The following ACACB variants were observed in gnomAD, a reference collection of about 807,000 sequenced individuals.
The protein encoded by ACACB is acetyl-CoA carboxylase 2.
ACACB carries 209 observed loss-of-function variants against 278.8 expected under a neutral mutation model. The ratio of observed to expected loss-of-function variants is 0.75; its 90% CI spans 0.67 to 0.84. ACACB has a LOEUF of 0.84. Ranked by LOEUF, ACACB falls within the 40% of genes least tolerant of loss-of-function variation. ACACB has a pLI of 0.00. For missense variants in ACACB, 2,850 were observed against 3,269.0 expected (o/e 0.87, Z 3.13); for synonymous variants, 1,174 against 1,285.6 (o/e 0.91, Z 1.86).
At chr12:109,112,273 GTATGTATA>G (rs1458185202), upstream of ACACB, among the ~76,000 whole-genome samples, 4 of 146,358 alleles carry the variant, frequency 2.7e-5, no homozygotes. Flanking sequence ...CAATATATAT[GTATGTATA>G]TATGTATATA....
intron 31 of ACACB, 151 bp downstream of exon 31, chr12:109,234,196 T>C (rs1457276645): frequency 1.5e-6 from 1 of 660,926 alleles, no homozygotes; most frequent in Non-Finnish European, 2.7e-6. Context: ...GCCTCATAGC[T>C]GGCGACCTTG....
intron 1 of ACACB, among the ~76,000 whole-genome samples, chr12:109,124,501 C>T (rs148513322): frequency 1.3e-5 from 2 of 152,318 alleles, no homozygotes; most frequent in African/African-American, 4.8e-5. Context: ...TCAGTTACCC[C>T]ACTTTTAGTG....
intron 7 of ACACB, among the ~76,000 whole-genome samples, chr12:109,174,603 C>A (rs953734774): frequency 6.6e-6 from 1 of 151,692 alleles, no homozygotes; most frequent in East Asian, 1.9e-4. Flanking sequence ...GTAACCCAAC[C>A]CCCCAACCCA....
intron 2 of ACACB, among the ~76,000 whole-genome samples, chr12:109,141,949 A>G (rs940589374): frequency 2.6e-5 from 4 of 152,110 alleles, no homozygotes; most frequent in African/African-American, 9.7e-5. Flanking sequence ...TGTGGAAGGG[A>G]TTAAATGGGA....
At chr12:109,135,530 C>A (rs2042945055) in intron 1 of ACACB, among the ~76,000 whole-genome samples, 1 of 151,598 alleles carries the variant, frequency 6.6e-6, no homozygotes, top group African/African-American at 2.4e-5. Context: ...TTGATGAAGT[C>A]CAATTTACCT....
chr12:109,249,694 A>G (rs930782916), intron 40 of ACACB: 1 of 208,974 alleles, frequency 4.8e-6, no homozygotes, highest in African/African-American at 2.3e-5. Context: ...GTTTCGCCAT[A>G]TTGGCCAGGC....
chr12:109,188,048 G>A lies in ACACB; in HGVS notation c.2030G>A (p.Ser677Asn), dbSNP rs373217436. ...GTCCAGGAACTGAATTTCCGGAGCAGCAAGAACGTGTGGGGTTACTTCAGC... is the reference window on the plus strand; with the variant it reads ...GTCCAGGAACTGAATTTCCGGAGCAACAAGAACGTGTGGGGTTACTTCAGC... ...GTVQELNFRS[S>N]KNVWGYFSVA... The change falls in exon 13 of 53, where the codon AGC becomes AAC. Residue 677 changes from serine (S) to asparagine (N), a missense_variant. By Grantham distance (46) the Ser-to-Asn change is conservative. Around this residue, in one of 3 missense-constraint regions of ACACB, gnomAD observed 2,265 missense variants for 2,561.3 expected, o/e 0.88. Transcript: ENST00000338432. 7.7e-5 allele frequency: 125 copies of A among 1,613,280 alleles called. No homozygotes were observed. The highest frequency in any genetic ancestry group is 1.0e-4 in the Non-Finnish European group (118 of 1,179,354).
intron 2 of ACACB, among the ~76,000 whole-genome samples, chr12:109,163,541 A>G (rs908787690): frequency 6.6e-6 from 1 of 152,212 alleles, no homozygotes; most frequent in Non-Finnish European, 1.5e-5. Flanking sequence ...GGAAAAATGC[A>G]TAAACCAGTA....
chr12:109,223,787 C>T, intron 26 of ACACB, 28 bp from the exon 27 acceptor site: 2 of 1,587,218 alleles, frequency 1.3e-6, no homozygotes, highest in Non-Finnish European at 1.7e-6. Context: ...ATTTACTTTT[C>T]CTTGTTTCCC....
intron 2 of ACACB, among the ~76,000 whole-genome samples, chr12:109,147,984 T>A (rs2043284442): frequency 6.6e-6 from 1 of 152,216 alleles, no homozygotes; most frequent in African/African-American, 2.4e-5. Flanking sequence ...ACTCCAATTT[T>A]AAATTTTTCT....
chr12:109,199,318 G>A lies in ACACB; in HGVS notation c.2628-84G>A. On this transcript the variant is annotated intron_variant, in intron 17 of 52. Transcript: ENST00000338432. Reference sequence around the variant, plus strand: ...AGGGTACACTCCCCCTTTAGGAAGGGGAAATGGTATTGAAAGCCGGACTAG... The same window carrying A: ...AGGGTACACTCCCCCTTTAGGAAGGAGAAATGGTATTGAAAGCCGGACTAG... 5.0e-6 allele frequency: 6 copies of A among 1,209,888 alleles called. No homozygotes were observed. The South Asian group carries it at 1.6e-4, about 33-fold the overall frequency. 74.9% of individuals were successfully genotyped at this position (1,209,888 alleles called of 1,614,324 possible).
chr12:109,227,412 C>T lies in ACACB; in HGVS notation c.3924C>T (p.Ser1308=). 1 of 1,613,706 alleles carries T rather than the reference C, an allele frequency of 6.2e-7. No homozygotes were observed. Among genetic ancestry groups the T allele is most frequent in the Non-Finnish European group, 8.5e-7 (1 of 1,179,826 alleles). Reference sequence around the variant, plus strand: ...GCTACATCGCCTATGAGTTAAACAGCCTGCAGCACCGGCAGCTCCCGGACG... The same window carrying T: ...GCTACATCGCCTATGAGTTAAACAGTCTGCAGCACCGGCAGCTCCCGGACG... ...RRGYIAYELN[S]LQHRQLPDGT... The change falls in exon 28 of 53, where the codon AGC becomes AGT. Residue 1308 remains serine, a synonymous_variant. Coordinates refer to ENST00000338432, the MANE Select transcript of ACACB (RefSeq NM_001093.4).
chr12:109,265,291 G>C lies in ACACB; in HGVS notation c.7113+11G>C. The stretch of plus-strand genomic sequence containing the variant: ...GAGGGGGCTGTCAAGGTGGGCCTGG[G>C]GTGAGAACGAGGCCGGTGAGCACAG... On this transcript the variant is annotated intron_variant, in intron 51 of 52. Coordinates refer to ENST00000338432, the MANE Select transcript of ACACB (RefSeq NM_001093.4). The C allele has an allele frequency of 6.2e-7, 1 of 1,612,434 alleles. No homozygotes were observed. The highest frequency in any genetic ancestry group is 1.1e-5 in the South Asian group (1 of 91,020).
chr12:109,266,110 G>A (rs1473888125), intron 52 of ACACB, 126 bp from the exon 53 acceptor site: 1 of 1,228,890 alleles, frequency 8.1e-7, no homozygotes, highest in Non-Finnish European at 1.1e-6. Flanking sequence ...ACCCCCATGG[G>A]GACCACAGCA....
chr12:109,142,470 A>G (rs961684501), intron 2 of ACACB, among the ~76,000 whole-genome samples: 3 of 152,086 alleles, frequency 2.0e-5, no homozygotes, highest in African/African-American at 7.2e-5. Context: ...TCCTGCCACC[A>G]TTTTGAGGGG....
chr12:109,195,081 C>A (rs901902917), intron 16 of ACACB, among the ~76,000 whole-genome samples: 1 of 152,128 alleles, frequency 6.6e-6, no homozygotes, highest in Non-Finnish European at 1.5e-5. Context: ...CTCTGAGATG[C>A]ACAGGTAGGG....
intron 11 of ACACB, among the ~76,000 whole-genome samples, chr12:109,180,463 T>C (rs117425018): frequency 2.0e-5 from 3 of 152,336 alleles, no homozygotes; most frequent in Non-Finnish European, 4.4e-5. Flanking sequence ...TGAGATTTTC[T>C]TCACTCCCAA....
In ACACB at chr12:109,256,238, T is replaced by C. The variant is rs1342076774; in HGVS notation, c.6263+2T>C. On this transcript the variant is annotated splice_donor_variant, in intron 45 of 52. Coordinates refer to ENST00000338432, the MANE Select transcript of ACACB (RefSeq NM_001093.4). LOFTEE classifies it high-confidence loss of function. ...GACCGTGGTGACAGGACGAGCAAGG[T>C]AATCATGAAGACGGGAGCAGGCTGC... 6.2e-7 allele frequency: 1 copy of C among 1,613,482 alleles called. No homozygotes were observed. The highest frequency in any genetic ancestry group is 1.3e-5 in the African/African-American group (1 of 75,010).
At chr12:109,193,800 A>G (rs1442583686) in intron 16 of ACACB, 71 bp downstream of exon 16, 13 of 1,378,786 alleles carry the variant, frequency 9.4e-6, no homozygotes, top group African/African-American at 1.4e-5. Flanking sequence ...TCTTCCATGA[A>G]CCATCCCTGG....
Sources: allele counts gnomAD v4.1 joint callset (sites outside exome capture counted in the v4.1 genomes callset), GRCh38; gene constraint gnomAD v4.1.1; regional missense constraint gnomAD v4.1.1; transcripts MANE v1.5; gene names NCBI Gene and HGNC (gene_info 2026-07-23, HGNC 2026-07-21).